KCNB2: variants seen among roughly 807,000 people sequenced by gnomAD.
The protein encoded by KCNB2 is potassium voltage-gated channel subfamily B member 2, also known as delayed rectifier potassium channel protein.
In KCNB2, 15 loss-of-function variants were observed where a neutral mutation model predicts 61.5. That is an observed-to-expected ratio of 0.24 (90% CI 0.16 to 0.38). The LOEUF (loss-of-function observed/expected upper bound fraction) is 0.38. Among genes scored for constraint, KCNB2 ranks in the 10% least tolerant of loss-of-function variants. KCNB2 has a pLI of 1.00. For missense variants in KCNB2, 828 were observed against 1,125.2 expected (o/e 0.74, Z 3.78); for synonymous variants, 457 against 446.0 (o/e 1.02, Z -0.31).
chr8:72,600,161 T>C lies in KCNB2; in HGVS notation c.579+31848T>C, dbSNP rs562894118. ...ATGCACACGTATGTTTATTGCGGCA[T>C]TATTCACAATAGCAAAGACTTGGAA... On this transcript the variant is annotated intron_variant, in intron 2 of 2. Transcript: ENST00000523207. Among the ~76,000 whole-genome samples, 6 of 152,098 alleles carry C rather than the reference T, an allele frequency of 3.9e-5. No homozygotes were observed. In the South Asian group the frequency reaches 6.2e-4, roughly 16 times the overall value.
At chr8:72,804,803 G>A (rs1163694624) in intron 2 of KCNB2, among the ~76,000 whole-genome samples, 4 of 152,178 alleles carry the variant, frequency 2.6e-5, no homozygotes, top group Admixed American at 2.6e-4. Context: ...CTACCAAGAT[G>A]GAAAAAGCTA....
intron 2 of KCNB2, among the ~76,000 whole-genome samples, chr8:72,867,630 T>A (rs909056695): frequency 6.6e-6 from 1 of 152,232 alleles, no homozygotes; most frequent in Non-Finnish European, 1.5e-5. Flanking sequence ...ACATTTGTCA[T>A]GAATATAACT....
At chr8:72,623,950 T>TC (rs1805750675) in intron 2 of KCNB2, among the ~76,000 whole-genome samples, 1 of 152,026 alleles carries the variant, frequency 6.6e-6, no homozygotes, top group African/African-American at 2.4e-5. Context: ...TTCTTTCATG[T>TC]CCCCCCAGAT....
intron 2 of KCNB2, among the ~76,000 whole-genome samples, chr8:72,929,077 C>T (rs1419017477): frequency 6.6e-6 from 1 of 152,104 alleles, no homozygotes; most frequent in Non-Finnish European, 1.5e-5. Context: ...CTTAATAACC[C>T]TCTGAGGCAG....
At chr8:72,638,311 C>T (rs148846093) in intron 2 of KCNB2, among the ~76,000 whole-genome samples, 1 of 152,030 alleles carries the variant, frequency 6.6e-6, no homozygotes, top group African/African-American at 2.4e-5. Flanking sequence ...AAAGTTTTCC[C>T]CTGTTCCTCT....
chr8:72,863,388 G>A (rs545254112), intron 2 of KCNB2, among the ~76,000 whole-genome samples: 1 of 152,086 alleles, frequency 6.6e-6, no homozygotes, highest in South Asian at 2.1e-4. Flanking sequence ...TTGAATTCGT[G>A]GAATTTTTAT....
intron 2 of KCNB2, among the ~76,000 whole-genome samples, chr8:72,902,984 A>G (rs2129006729): frequency 6.6e-6 from 1 of 152,312 alleles, no homozygotes; most frequent in Non-Finnish European, 1.5e-5. Context: ...TATCTTCAGA[A>G]ATAAGGGTGG....
intron 2 of KCNB2, among the ~76,000 whole-genome samples, chr8:72,784,713 C>T (rs1808818998): frequency 6.6e-6 from 1 of 152,216 alleles, no homozygotes. Flanking sequence ...TGAGGTCCCA[C>T]TCCCAACACA....
At chr8:72,581,008 T>C (rs1806884191) in intron 2 of KCNB2, among the ~76,000 whole-genome samples, 1 of 152,164 alleles carries the variant, frequency 6.6e-6, no homozygotes, top group Non-Finnish European at 1.5e-5. Flanking sequence ...TATATAACCA[T>C]ATGCCTTACC....
At chr8:72,715,113 A>G (rs1484467991) in intron 2 of KCNB2, among the ~76,000 whole-genome samples, 3 of 152,224 alleles carry the variant, frequency 2.0e-5, no homozygotes, top group Admixed American at 1.3e-4. Flanking sequence ...AGAACTAACT[A>G]TCCTAAATAT....
intron 2 of KCNB2, among the ~76,000 whole-genome samples, chr8:72,889,908 A>T (rs1407084456): frequency 1.2e-4 from 18 of 152,070 alleles, no homozygotes; most frequent in Admixed American, 1.2e-3. Context: ...GGCATGTGCC[A>T]GCATGCCCAG....
chr8:72,659,568 G>A (rs1272646766), intron 2 of KCNB2, among the ~76,000 whole-genome samples: 1 of 152,224 alleles, frequency 6.6e-6, no homozygotes, highest in East Asian at 1.9e-4. Flanking sequence ...CTACAGAGAT[G>A]CACATTGAAA....
chr8:72,904,732 A>G (rs929875944), intron 2 of KCNB2, among the ~76,000 whole-genome samples: 3 of 151,826 alleles, frequency 2.0e-5, no homozygotes, highest in Non-Finnish European at 4.4e-5. Context: ...ATGTTTCTTC[A>G]TTAGTGTTCC....
At chr8:72,615,843 A>G (rs1805611552) in intron 2 of KCNB2, among the ~76,000 whole-genome samples, 1 of 152,254 alleles carries the variant, frequency 6.6e-6, no homozygotes, top group Non-Finnish European at 1.5e-5. Flanking sequence ...GATAAGATCA[A>G]CAGATTCATT....
chr8:72,769,451 G>C (rs971366949), intron 2 of KCNB2, among the ~76,000 whole-genome samples: 2 of 152,080 alleles, frequency 1.3e-5, no homozygotes, highest in Non-Finnish European at 2.9e-5. Context: ...TGTTCTAATA[G>C]AGATATGCAC....
chr8:72,623,748 T>G (rs1476851200), intron 2 of KCNB2, among the ~76,000 whole-genome samples: 1 of 152,168 alleles, frequency 6.6e-6, no homozygotes, highest in East Asian at 1.9e-4. Context: ...TTAATTCTCA[T>G]GACAACCACT....
chr8:72,846,567 G>GAA (rs369361332), intron 2 of KCNB2, among the ~76,000 whole-genome samples: 3,146 of 148,352 alleles, frequency 0.021, 107 homozygotes, highest in African/African-American at 0.072. Flanking sequence ...CAAAAAAAAA[G>GAA]AAAAAAAAAA....
rs1168366310 is a variant in KCNB2 at position 72,596,978 on chromosome 8, A to ATGCT, written c.579+28687_579+28690dup. Reference sequence around the variant, plus strand: ...AAGCACTGGGAAACAGCCAACCAGCATGCTTGCTTGCTTGCTTGCTTGCTT... The same window carrying ATGCT: ...AAGCACTGGGAAACAGCCAACCAGCATGCTTGCTTGCTTGCTTGCTTGCTTGCTT... On this transcript the variant is annotated intron_variant, in intron 2 of 2. Transcript: ENST00000523207. Among the ~76,000 whole-genome samples the ATGCT allele has an allele frequency of 8.9e-3, 1,165 of 131,130 alleles. 20 individuals carry two copies. The highest frequency in any genetic ancestry group is 0.034 in the African/African-American group (1,119 of 32,884). 86.0% of individuals were successfully genotyped at this position (131,130 alleles called of 152,430 possible).
chr8:72,677,765 T>G (rs1287027102), intron 2 of KCNB2, among the ~76,000 whole-genome samples: 1 of 152,192 alleles, frequency 6.6e-6, no homozygotes, highest in Non-Finnish European at 1.5e-5. Flanking sequence ...ACATTTGTAT[T>G]TCAATTATAT....
Sources: allele counts gnomAD v4.1 joint callset (sites outside exome capture counted in the v4.1 genomes callset), GRCh38; gene constraint gnomAD v4.1.1; transcripts MANE v1.5; gene names NCBI Gene and HGNC (gene_info 2026-07-23, HGNC 2026-07-21).